MGAT5: variants seen among roughly 807,000 people sequenced by gnomAD.
The protein encoded by MGAT5 is alpha-1,6-mannosylglycoprotein 6-beta-N-acetylglucosaminyltransferase.
In MGAT5, 30 loss-of-function variants were observed where a neutral mutation model predicts 94.3. The ratio of observed to expected loss-of-function variants is 0.32; its 90% CI spans 0.24 to 0.43. The LOEUF is 0.43. Ranked by LOEUF, MGAT5 falls within the 20% of genes least tolerant of loss-of-function variation. The probability of loss-of-function intolerance (pLI) is 1.00; values close to 1 mark genes in which losing one functional copy is unlikely to be tolerated. For missense variants in MGAT5, 691 were observed against 905.5 expected, an observed-to-expected ratio of 0.76 and a Z score of 3.04; for synonymous variants, 310 against 322.9, an observed-to-expected ratio of 0.96 and a Z score of 0.43.
chr2:134,217,238 G>GGTGTGT (rs35795776), intron 1 of MGAT5, among the ~76,000 whole-genome samples: 11,255 of 145,064 alleles, frequency 0.078, 489 homozygotes, highest in East Asian at 0.16. Context: ...GAGAGAGAGT[G>GGTGTGT]GTGTGTGTGT....
At chr2:134,295,607 A>G (rs747217268) in intron 2 of MGAT5, among the ~76,000 whole-genome samples, 1 of 152,166 alleles carries the variant, frequency 6.6e-6, no homozygotes, top group Non-Finnish European at 1.5e-5. Flanking sequence ...TTCGAGGATG[A>G]CAAGAACAGC....
intron 1 of MGAT5, among the ~76,000 whole-genome samples, chr2:134,259,404 C>T (rs900702558): frequency 7.2e-5 from 11 of 152,200 alleles, no homozygotes; most frequent in Non-Finnish European, 1.5e-4. Flanking sequence ...TAGTGATCAC[C>T]TCTTATCTAA....
chr2:134,226,917 C>T (rs1331077252), intron 1 of MGAT5, among the ~76,000 whole-genome samples: 1 of 151,536 alleles, frequency 6.6e-6, no homozygotes, highest in Non-Finnish European at 1.5e-5. Flanking sequence ...ATTCTTCATT[C>T]CTGCCGAAGT....
intron 2 of MGAT5, among the ~76,000 whole-genome samples, chr2:134,301,566 G>C (rs1686020396): frequency 6.6e-6 from 1 of 151,908 alleles, no homozygotes; most frequent in South Asian, 2.1e-4. Context: ...CTCTGTTTAG[G>C]ATTAAATCAG....
chr2:134,342,420 A>G (rs1688683804), intron 7 of MGAT5, among the ~76,000 whole-genome samples: 1 of 152,178 alleles, frequency 6.6e-6, no homozygotes, highest in Non-Finnish European at 1.5e-5. Flanking sequence ...TATGTCGTAT[A>G]TTTCCAGAAG....
At chr2:134,154,687 T>A (rs757889460) in intron 1 of MGAT5, among the ~76,000 whole-genome samples, 6 of 152,186 alleles carry the variant, frequency 3.9e-5, no homozygotes, top group Non-Finnish European at 7.3e-5. Context: ...AAATGGCCTC[T>A]CCAAGATCCA....
intron 1 of MGAT5, among the ~76,000 whole-genome samples, chr2:134,168,275 A>T (rs564531669): frequency 6.6e-6 from 1 of 152,112 alleles, no homozygotes; most frequent in Non-Finnish European, 1.5e-5. Context: ...ACACAAAAAG[A>T]TGGGGGGTTG....
At chr2:134,334,693 C>G (rs150742149) in intron 4 of MGAT5, among the ~76,000 whole-genome samples, 495 of 152,146 alleles carry the variant, frequency 3.3e-3, no homozygotes, top group Non-Finnish European at 5.7e-3. Context: ...CATAATGCTA[C>G]TGAGACCAGC....
chr2:134,167,455 T>C (rs1388751731), intron 1 of MGAT5, among the ~76,000 whole-genome samples: 1 of 152,210 alleles, frequency 6.6e-6, no homozygotes, highest in Non-Finnish European at 1.5e-5. Context: ...AAAACAGCGC[T>C]GGCCCCATCC....
chr2:134,321,399 C>G (rs571699893), intron 4 of MGAT5, among the ~76,000 whole-genome samples: 26 of 152,236 alleles, frequency 1.7e-4, no homozygotes, highest in African/African-American at 6.0e-4. Flanking sequence ...ACTTACATCT[C>G]CTTGGAAGGC....
At chr2:134,203,599 G>C (rs991165135) in intron 1 of MGAT5, among the ~76,000 whole-genome samples, 1 of 152,046 alleles carries the variant, frequency 6.6e-6, no homozygotes, top group Non-Finnish European at 1.5e-5. Flanking sequence ...AAGAGAGGAC[G>C]GGGCTGATCG....
intron 11 of MGAT5, among the ~76,000 whole-genome samples, chr2:134,406,756 G>T (rs189585936): frequency 1.3e-5 from 2 of 151,862 alleles, no homozygotes; most frequent in Admixed American, 1.3e-4. Context: ...ATAGCTGTGC[G>T]TGGTGGCATT....
Position 134,369,838 on chromosome 2 carries a change from G to A in MGAT5, c.1380+7430G>A, listed in dbSNP as rs112609195. On this transcript the variant is annotated intron_variant, in intron 10 of 15. Coordinates refer to ENST00000281923, the MANE Select transcript of MGAT5 (RefSeq NM_002410.5). ...TACGGAAAAAATTTGATGACAACTG[G>A]ATAAGATCAATCATTATTCACCTGT... Among the ~76,000 whole-genome samples, 66 of 150,916 alleles carry A rather than the reference G, an allele frequency of 4.4e-4. 1 individual carries two copies. The highest frequency in any genetic ancestry group is 1.5e-3 in the African/African-American group (63 of 41,248).
intron 14 of MGAT5, among the ~76,000 whole-genome samples, chr2:134,435,633 A>T (rs541923937): frequency 1.3e-5 from 2 of 152,148 alleles, no homozygotes; most frequent in Non-Finnish European, 2.9e-5. Context: ...GCATGTCGTC[A>T]TGGTGACAGC....
rs528218030 is a variant in MGAT5, at chr2:134,433,022, C to G, written c.1869+4583C>G. Among the ~76,000 whole-genome samples the G allele has an allele frequency of 3.3e-5, 5 of 152,236 alleles. No individual in the cohort carries two copies. The East Asian group carries it at 9.6e-4, about 29-fold the overall frequency. On this transcript the variant is annotated intron_variant, in intron 14 of 15. Coordinates refer to ENST00000281923, the MANE Select transcript of MGAT5 (RefSeq NM_002410.5). ...AATTGGTAGTGTTACACAACTACCA[C>G]CACACTCTAGTTTTGCAGCATTTCC...
intron 1 of MGAT5, among the ~76,000 whole-genome samples, chr2:134,269,135 G>A (rs1393951882): frequency 6.6e-6 from 1 of 152,150 alleles, no homozygotes; most frequent in Non-Finnish European, 1.5e-5. Context: ...CCTGAGCCTG[G>A]GTAATTTATA....
rs1415321903 is a variant in MGAT5 at position 134,448,869 on chromosome 2, A to C, written c.*22A>C. On this transcript the variant is annotated 3_prime_UTR_variant, in exon 16 of 16. Coordinates refer to ENST00000281923, the MANE Select transcript of MGAT5 (RefSeq NM_002410.5). ...ATAGCAGCTACCTGCTCAGCCCTGC[A>C]CCATGCTGCTGGGGAAGACAGTGGC... The C allele has an allele frequency of 3.1e-6, 5 of 1,606,480 alleles. No individual in the cohort carries two copies. In the African/African-American group the frequency reaches 4.0e-5, roughly 13 times the overall value.
At chr2:134,445,586 C>T (rs1420607485) in intron 15 of MGAT5, among the ~76,000 whole-genome samples, 2 of 151,722 alleles carry the variant, frequency 1.3e-5, no homozygotes, top group Non-Finnish European at 2.9e-5. Flanking sequence ...TCAGTCACAG[C>T]GTGGTCAGCC....
At chr2:134,251,308 A>G (rs1392565225), upstream of MGAT5, among the ~76,000 whole-genome samples, 1 of 152,118 alleles carries the variant, frequency 6.6e-6, no homozygotes, top group African/African-American at 2.4e-5. Flanking sequence ...TTCACTGTTC[A>G]GTCACCAGGG....
Sources: allele counts gnomAD v4.1 joint callset (sites outside exome capture counted in the v4.1 genomes callset), GRCh38; gene constraint gnomAD v4.1.1; transcripts MANE v1.5; gene names NCBI Gene and HGNC (gene_info 2026-07-23, HGNC 2026-07-21).